CATSPERT: variants seen among roughly 807,000 people sequenced by gnomAD.
CATSPERT encodes catsper channel auxiliary subunit tau.
the CATSPERT span, among the ~76,000 whole-genome samples, chr2:201,581,184 T>C: frequency 1.1e-4 from 16 of 151,522 alleles, no homozygotes; most frequent in Non-Finnish European, 2.2e-4. Context: ...GGCGGGCAGA[T>C]TATTTGAACT....
the CATSPERT span, among the ~76,000 whole-genome samples, chr2:201,499,434 A>G: frequency 5.9e-5 from 9 of 152,194 alleles, no homozygotes; most frequent in Non-Finnish European, 8.8e-5. Flanking sequence ...TTGATGATGC[A>G]TCTATCTCTG....
At chr2:201,492,216 G>A in the CATSPERT span, 14 of 1,519,238 alleles carry the variant, frequency 9.2e-6, no homozygotes, top group Non-Finnish European at 1.2e-5. Flanking sequence ...TCTCCACAAA[G>A]TGACAGTCAT....
the CATSPERT span, chr2:201,492,911 C>A: frequency 7.8e-6 from 12 of 1,536,486 alleles, no homozygotes; most frequent in Non-Finnish European, 1.0e-5. Flanking sequence ...TGTTTTACTT[C>A]TGACTCTGAG....
At chr2:201,504,465 C>T in the CATSPERT span, among the ~76,000 whole-genome samples, 6,158 of 152,320 alleles carry the variant, frequency 0.04, 172 homozygotes, top group Middle Eastern at 0.068. Context: ...GATTAGAACT[C>T]AGAGGCATCT....
At chr2:201,534,701 G>A in the CATSPERT span, 1 of 982,808 alleles carries the variant, frequency 1.0e-6, no homozygotes, top group Admixed American at 6.2e-5. Flanking sequence ...TCTTTCTGGA[G>A]AGCAATTTGT....
the CATSPERT span, chr2:201,487,708 A>G: frequency 6.2e-7 from 1 of 1,614,170 alleles, no homozygotes; most frequent in South Asian, 1.1e-5. Flanking sequence ...AAACCATTCG[A>G]CGACTTGTAA....
the CATSPERT span, among the ~76,000 whole-genome samples, chr2:201,530,961 G>GTTTTTTTTTT: frequency 4.9e-3 from 523 of 106,012 alleles, 24 homozygotes; most frequent in Non-Finnish European, 7.4e-3. Flanking sequence ...TTTTTTGTGG[G>GTTTTTTTTTT]TTTTTTTTTT....
chr2:201,588,770 G>T, the CATSPERT span, among the ~76,000 whole-genome samples: 1 of 151,810 alleles, frequency 6.6e-6, no homozygotes, highest in Non-Finnish European at 1.5e-5. Flanking sequence ...GGGCAATCAG[G>T]CAAGTAAAAG....
At chr2:201,612,322 C>A in the CATSPERT span, among the ~76,000 whole-genome samples, 1 of 152,072 alleles carries the variant, frequency 6.6e-6, no homozygotes, top group Non-Finnish European at 1.5e-5. Flanking sequence ...CACCTGTAAT[C>A]CCAGCACCTT....
At chr2:201,558,463 C>T in the CATSPERT span, among the ~76,000 whole-genome samples, 1 of 152,218 alleles carries the variant, frequency 6.6e-6, no homozygotes, top group Non-Finnish European at 1.5e-5. Context: ...GACTGGAAGT[C>T]CAGGAGGGCA....
chr2:201,563,868 A>G, the CATSPERT span, among the ~76,000 whole-genome samples: 1 of 152,310 alleles, frequency 6.6e-6, no homozygotes, highest in Admixed American at 6.5e-5. Context: ...TTGCACACCC[A>G]AGATTCCAGA....
the CATSPERT span, among the ~76,000 whole-genome samples, chr2:201,499,881 T>G: frequency 6.8e-6 from 1 of 147,482 alleles, no homozygotes; most frequent in Non-Finnish European, 1.5e-5. Context: ...ATATTGAGTA[T>G]ATAATATATA....
At chr2:201,574,188 T>C in the CATSPERT span, 1 of 1,560,756 alleles carries the variant, frequency 6.4e-7, no homozygotes, top group South Asian at 1.2e-5. Context: ...CAGAATAATC[T>C]TTTAAAAGAG....
At chr2:201,535,237 T>A in the CATSPERT span, 5 of 985,052 alleles carry the variant, frequency 5.1e-6, no homozygotes, top group Non-Finnish European at 6.0e-6. Context: ...GAAAAATAGG[T>A]CTAGAGACTT....
chr2:201,542,422 T>A, the CATSPERT span, among the ~76,000 whole-genome samples: 2 of 152,214 alleles, frequency 1.3e-5, no homozygotes, highest in Non-Finnish European at 2.9e-5. Context: ...TTTATCTATT[T>A]GTCATTTTTT....
chr2:201,493,127 A>G, the CATSPERT span: 2 of 1,527,144 alleles, frequency 1.3e-6, no homozygotes, highest in Non-Finnish European at 1.8e-6. Context: ...ATGTTTTTTA[A>G]AAAGGATTTT....
the CATSPERT span, among the ~76,000 whole-genome samples, chr2:201,583,467 G>A: frequency 6.6e-6 from 1 of 152,176 alleles, no homozygotes; most frequent in African/African-American, 2.4e-5. Flanking sequence ...CACAGTCACT[G>A]AATCTTATAA....
the CATSPERT span, among the ~76,000 whole-genome samples, chr2:201,506,165 G>A: frequency 4.6e-5 from 7 of 152,176 alleles, no homozygotes; most frequent in African/African-American, 1.7e-4. Flanking sequence ...TACTCGGGAG[G>A]CTGAGGCAGG....
the CATSPERT span, among the ~76,000 whole-genome samples, chr2:201,489,213 C>G: frequency 6.6e-6 from 1 of 152,194 alleles, no homozygotes; most frequent in Non-Finnish European, 1.5e-5. Flanking sequence ...AAAGATAACT[C>G]TATCTCCCTT....
Sources: allele counts gnomAD v4.1 joint callset (sites outside exome capture counted in the v4.1 genomes callset), GRCh38; gene constraint gnomAD v4.1.1; transcripts MANE v1.5; gene names NCBI Gene and HGNC (gene_info 2026-07-23, HGNC 2026-07-21).